RPAP3: variants seen among roughly 807,000 people sequenced by gnomAD.
The protein encoded by RPAP3 is RNA polymerase II associated protein 3, also known as RNA polymerase II-associated protein 3.
In RPAP3, 58 loss-of-function variants were observed where a neutral mutation model predicts 88.8. That is an observed-to-expected ratio of 0.65 (90% CI 0.53 to 0.81). The LOEUF (loss-of-function observed/expected upper bound fraction) is 0.81. RPAP3 is among the 40% of genes least tolerant of loss of function. The pLI is 0.00. For synonymous variants in RPAP3, 255 were observed against 259.9 expected (o/e 0.98, Z 0.18); for missense variants, 751 against 764.3 (o/e 0.98, Z 0.20).
In RPAP3 at chr12:47,686,849, C is replaced by T. The variant is rs377484905; in HGVS notation, c.923G>A (p.Gly308Glu). Residue 308 changes from glycine to glutamate, a missense_variant, in exon 9 of 17, where the codon GGG (glycine) becomes GAG (glutamate). By Grantham distance (98) the Gly-to-Glu change is moderately conservative (BLOSUM62 -2). Transcript: ENST00000005386. ...YERAIECYTR[G>E]IAADGANALL... Reference sequence around the variant, plus strand: ...GGCATTAGCACCATCTGCTGCTATCCCTCGAGTATAGCATTCAATTGCTCT... The same window carrying T: ...GGCATTAGCACCATCTGCTGCTATCTCTCGAGTATAGCATTCAATTGCTCT... 3 of 1,605,278 alleles carry T rather than the reference C, an allele frequency of 1.9e-6. No individual in the cohort carries two copies. The highest frequency in any genetic ancestry group is 2.6e-6 in the Non-Finnish European group (3 of 1,174,356).
At chr12:47,704,325 GGAAA>G (rs1939726298) in intron 1 of RPAP3, among the ~76,000 whole-genome samples, 1 of 152,112 alleles carries the variant, frequency 6.6e-6, no homozygotes, top group East Asian at 1.9e-4. Context: ...TGCCACAGAG[GGAAA>G]GAAAGTGCAT....
At chr12:47,702,051 G>T (rs1939664168) in intron 2 of RPAP3, among the ~76,000 whole-genome samples, 2 of 151,914 alleles carry the variant, frequency 1.3e-5, no homozygotes, top group African/African-American at 4.8e-5. Flanking sequence ...TGCCAATATG[G>T]TATGTTAATA....
chr12:47,672,629 A>AT (rs142939994), intron 12 of RPAP3, among the ~76,000 whole-genome samples: 41,090 of 151,450 alleles, frequency 0.27, 6,770 homozygotes, highest in Non-Finnish European at 0.37. Context: ...TAATGCCGAC[A>AT]TTTTTTTTTA....
At chr12:47,696,522 A>G in intron 4 of RPAP3, 119 bp from the exon 5 acceptor site, 1 of 602,516 alleles carries the variant, frequency 1.7e-6, no homozygotes. Context: ...TTTTTTCAAT[A>G]GAAGTCTACA....
intron 13 of RPAP3, among the ~76,000 whole-genome samples, chr12:47,669,606 A>G (rs1000186126): frequency 3.3e-5 from 5 of 152,214 alleles, no homozygotes; most frequent in Non-Finnish European, 7.4e-5. Context: ...GTAAAAATAT[A>G]TGAGTAAGGT....
chr12:47,703,586 A>T (rs1411761777), intron 1 of RPAP3, among the ~76,000 whole-genome samples: 1 of 152,200 alleles, frequency 6.6e-6, no homozygotes, highest in African/African-American at 2.4e-5. Flanking sequence ...GGCATGGATC[A>T]GATAGTAGGG....
At chr12:47,669,702 C>A (rs187618984) in intron 13 of RPAP3, among the ~76,000 whole-genome samples, 130 of 152,028 alleles carry the variant, frequency 8.6e-4, no homozygotes, top group East Asian at 3.9e-4. Context: ...TTTTTAAATG[C>A]CAAACAAAAG....
In RPAP3 at chr12:47,662,418, C is replaced by A. The variant is rs1211278018; in HGVS notation, c.*1087G>T. 6.6e-6 allele frequency: 1 copy of A among 152,100 alleles called. No individual in the cohort carries two copies. The highest frequency in any genetic ancestry group is 1.5e-5 in the Non-Finnish European group (1 of 68,028). The allele number at this position is 152,100 out of a possible 1,614,324, so 9.4% of individuals were successfully genotyped here. On this transcript the variant is annotated 3_prime_UTR_variant, in exon 17 of 17. Coordinates refer to ENST00000005386, the MANE Select transcript of RPAP3 (RefSeq NM_024604.3). The stretch of plus-strand genomic sequence containing the variant: ...TATCTTTGTAAATAAATTATGATTA[C>A]TTCTCAAACAATTCATAAGAATAGT...
At chr12:47,704,325 G>A (rs1160169865) in intron 1 of RPAP3, among the ~76,000 whole-genome samples, 2 of 152,230 alleles carry the variant, frequency 1.3e-5, no homozygotes, top group Non-Finnish European at 2.9e-5. Flanking sequence ...TGCCACAGAG[G>A]GAAAGAAAGT....
At position 47,687,907 on chromosome 12, in the gene RPAP3, T is replaced by C. The variant is rs1336198208; in HGVS notation, c.833A>G (p.Asn278Ser). The change falls in exon 8 of 17, where the codon AAT becomes AGT. Residue 278 changes from asparagine to serine, a missense_variant. Transcript: ENST00000005386. ...GERKQIEAQQ[N>S]KQQAISEKDR... is the part of the protein sequence containing the mutation. ...TTTCTCTGAAATGGCCTGCTGCTTA[T>C]TCTGTTGTGCTTCAATTTGCTTTCG... 6.8e-6 allele frequency: 11 copies of C among 1,613,496 alleles called. No individual in the cohort carries two copies. Among genetic ancestry groups the C allele is most frequent in the African/African-American group, 1.3e-5 (1 of 74,914 alleles).
intron 12 of RPAP3, among the ~76,000 whole-genome samples, chr12:47,671,959 A>G (rs1939007730): frequency 1.3e-5 from 2 of 152,246 alleles, no homozygotes; most frequent in South Asian, 4.2e-4. Context: ...TCGGAAGCGT[A>G]ACATTTTATT....
intron 1 of RPAP3, among the ~76,000 whole-genome samples, chr12:47,704,243 G>C (rs1939723288): frequency 6.6e-6 from 1 of 152,190 alleles, no homozygotes; most frequent in African/African-American, 2.4e-5. Context: ...ACAGTTGGGA[G>C]AAAAACCTAG....
chr12:47,686,578 T>A lies in RPAP3; in HGVS notation c.992+202A>T, dbSNP rs551669163. Among the ~76,000 whole-genome samples, 17 of 86,282 alleles carry A rather than the reference T, an allele frequency of 2.0e-4. No individual in the cohort carries two copies. In the South Asian group the frequency reaches 2.8e-3, roughly 14 times the overall value. The allele number at this position is 86,282 out of a possible 152,430, so 56.6% of individuals were successfully genotyped here. A position where few individuals can be genotyped will look rare whatever the true frequency, so the allele number is the denominator to read the frequency against. On this transcript the variant is annotated intron_variant, in intron 9 of 16. Transcript: ENST00000005386. Reference sequence around the variant, plus strand: ...CACACACACACACACACACACACACTACTTTTCCCCTCTCATTTCACTTTA... The same window carrying A: ...CACACACACACACACACACACACACAACTTTTCCCCTCTCATTTCACTTTA...
intron 9 of RPAP3, among the ~76,000 whole-genome samples, chr12:47,683,560 T>C (rs1292168881): frequency 1.3e-5 from 2 of 152,206 alleles, no homozygotes; most frequent in African/African-American, 2.4e-5. Context: ...TTTCTAAAAG[T>C]CTGAAGTTGC....
At position 47,681,686 on chromosome 12, in the gene RPAP3, A is replaced by ATTT; in HGVS notation, c.1114+9_1114+10insAAA. 1 of 1,611,288 alleles carries ATTT rather than the reference A, an allele frequency of 6.2e-7. No individual in the cohort carries two copies. The highest frequency in any genetic ancestry group is 8.5e-7 in the Non-Finnish European group (1 of 1,178,924). Reference sequence around the variant, plus strand: ...AGGATGACTGAGTGCCAGCTGTTATAAAGTCTTACCTTGTTTTGCCTCATT... The same window carrying ATTT: ...AGGATGACTGAGTGCCAGCTGTTATATTTAAGTCTTACCTTGTTTTGCCTCATT... On this transcript the variant is annotated intron_variant, in intron 10 of 16. Coordinates refer to ENST00000005386, the MANE Select transcript of RPAP3 (RefSeq NM_024604.3).
chr12:47,696,404 C>A lies in RPAP3; in HGVS notation c.418-1G>T. 2 of 1,554,070 alleles carry A rather than the reference C, an allele frequency of 1.3e-6. No homozygotes were observed. The highest frequency in any genetic ancestry group is 2.3e-5 in the East Asian group (1 of 42,732). On this transcript the variant is annotated splice_acceptor_variant, in intron 4 of 16. Coordinates refer to ENST00000005386, the MANE Select transcript of RPAP3 (RefSeq NM_024604.3). LOFTEE classifies it high-confidence loss of function. Reference sequence around the variant, plus strand: ...TTCCTTGTTTGAAGTATTTATTGCCCTGAAAGAAAATTATATAAAATGATC... The same window carrying A: ...TTCCTTGTTTGAAGTATTTATTGCCATGAAAGAAAATTATATAAAATGATC...
chr12:47,679,768 T>C lies in RPAP3; in HGVS notation c.1121A>G (p.Glu374Gly). Residue 374 changes from glutamate (E) to glycine (G), a missense_variant, in exon 11 of 17, where the codon GAA becomes GGA. Glu to Gly is a moderately conservative substitution (Grantham distance 98). Transcript: ENST00000005386. ...TCCAGGTTCCAGAAGTAAAACAGTTTCAAAATCTAAAGCGAATTTTTTAAA... is the reference window on the plus strand; with the variant it reads ...TCCAGGTTCCAGAAGTAAAACAGTTCCAAAATCTAAAGCGAATTTTTTAAA... ...GKLNEAKQDFETVLLLEPGNK... is the reference protein window; with the variant it reads ...GKLNEAKQDFGTVLLLEPGNK... 1 of 1,603,376 alleles carries C rather than the reference T, an allele frequency of 6.2e-7. No individual in the cohort carries two copies. The highest frequency in any genetic ancestry group is 8.5e-7 in the Non-Finnish European group (1 of 1,174,192).
At chr12:47,694,568 A>G (rs961607858) in intron 5 of RPAP3, among the ~76,000 whole-genome samples, 8 of 152,136 alleles carry the variant, frequency 5.3e-5, no homozygotes, top group African/African-American at 1.9e-4. Context: ...GATAAGCTAC[A>G]AATTGAGAGA....
chr12:47,682,014 G>A (rs1254310390), intron 9 of RPAP3, among the ~76,000 whole-genome samples, 197 bp from the exon 10 acceptor site: 1 of 152,056 alleles, frequency 6.6e-6, no homozygotes, highest in East Asian at 1.9e-4. Context: ...GAGGGAGAAG[G>A]TACCAGATTG....
Sources: allele counts gnomAD v4.1 joint callset (sites outside exome capture counted in the v4.1 genomes callset), GRCh38; gene constraint gnomAD v4.1.1; transcripts MANE v1.5; gene names NCBI Gene and HGNC (gene_info 2026-07-23, HGNC 2026-07-21).